Variants in FARP1 observed in about 807,000 individuals in gnomAD.
FARP1 encodes FERM, ARHGEF and pleckstrin domain-containing protein 1.
Under a neutral mutation model 128.8 loss-of-function variants are expected in FARP1, and 52 were observed. That is an observed-to-expected ratio of 0.40 (90% CI 0.32 to 0.51). The LOEUF (loss-of-function observed/expected upper bound fraction) is 0.51, where lower values mean the gene tolerates loss of function less well. Among genes scored for constraint, FARP1 ranks in the 20% least tolerant of loss-of-function variants. FARP1 has a pLI of 0.45. For synonymous variants in FARP1, 580 were observed against 551.8 expected (o/e 1.05, Z -0.72); for missense variants, 1,333 against 1,367.9 (o/e 0.97, Z 0.40).
chr13:98,410,971 C>A, intron 15 of FARP1, 148 bp downstream of exon 15: 1 of 492,852 alleles, frequency 2.0e-6, no homozygotes, highest in South Asian at 4.2e-5. Flanking sequence ...AAATTAAATG[C>A]TAATAGTATA....
At chr13:98,188,266 G>C (rs1382573441) in intron 1 of FARP1, among the ~76,000 whole-genome samples, 1 of 152,082 alleles carries the variant, frequency 6.6e-6, no homozygotes, top group African/African-American at 2.4e-5. Context: ...TGTTAAAGAA[G>C]TTTCAGGCCG....
intron 2 of FARP1, among the ~76,000 whole-genome samples, chr13:98,321,910 A>G (rs1887008285): frequency 6.6e-6 from 1 of 152,244 alleles, no homozygotes; most frequent in Admixed American, 6.5e-5. Flanking sequence ...TAGCTGGGGC[A>G]GTTATCAACC....
rs1893314757 is a variant in FARP1 at position 98,453,729 on chromosome 13, A to G, written c.*5412A>G. The G allele has an allele frequency of 6.5e-6, 1 of 153,392 alleles. No individual in the cohort carries two copies. The allele number at this position is 153,392 out of a possible 1,614,324, so 9.5% of individuals were successfully genotyped here. The stretch of plus-strand genomic sequence containing the variant: ...TTCGTAATTACACTAATTTGGAAAC[A>G]ACTCTGATGCCCAACAGTACAGAAT... On this transcript the variant is annotated 3_prime_UTR_variant, in exon 27 of 27. Coordinates refer to ENST00000319562, the MANE Select transcript of FARP1 (RefSeq NM_005766.4).
At chr13:98,209,548 G>A (rs1270961235) in intron 1 of FARP1, among the ~76,000 whole-genome samples, 20 of 141,816 alleles carry the variant, frequency 1.4e-4, no homozygotes, top group African/African-American at 5.0e-4. Context: ...TGTAATCCCA[G>A]CACTTTGGGA....
intron 1 of FARP1, among the ~76,000 whole-genome samples, chr13:98,198,790 A>G (rs1455673180): frequency 3.4e-5 from 5 of 147,252 alleles, no homozygotes; most frequent in Non-Finnish European, 7.5e-5. Context: ...AGGCATGAGA[A>G]TTGCTTGAAC....
At chr13:98,343,523 T>C (rs1888056043) in intron 2 of FARP1, among the ~76,000 whole-genome samples, 1 of 152,206 alleles carries the variant, frequency 6.6e-6, no homozygotes, top group Non-Finnish European at 1.5e-5. Flanking sequence ...GGAGGAGTGA[T>C]GCCTGGCGTT....
intron 2 of FARP1, among the ~76,000 whole-genome samples, chr13:98,237,775 C>T (rs1882511943): frequency 6.6e-6 from 1 of 152,126 alleles, no homozygotes; most frequent in Non-Finnish European, 1.5e-5. Flanking sequence ...TTGAGGACTG[C>T]AGCTTCAGTT....
chr13:98,366,073 T>G (rs1889071766), intron 4 of FARP1, among the ~76,000 whole-genome samples: 1 of 152,194 alleles, frequency 6.6e-6, no homozygotes, highest in Non-Finnish European at 1.5e-5. Context: ...TCTCTATGCT[T>G]TGAGCTAAAA....
chr13:98,310,157 CGAT>C (rs1266347639), intron 2 of FARP1, among the ~76,000 whole-genome samples: 10 of 151,132 alleles, frequency 6.6e-5, no homozygotes, highest in Middle Eastern at 3.2e-3. Flanking sequence ...CACAGAATGA[CGAT>C]GACTTCCACA....
intron 2 of FARP1, among the ~76,000 whole-genome samples, chr13:98,259,882 A>AGTGT (rs60886784): frequency 0.04 from 5,101 of 128,792 alleles, 157 homozygotes; most frequent in African/African-American, 0.078. Context: ...ATACCTGAAA[A>AGTGT]GTGTGTGTGT....
At chr13:98,295,048 C>T (rs553634863) in intron 2 of FARP1, among the ~76,000 whole-genome samples, 1 of 4,332 alleles carries the variant, frequency 2.3e-4, no homozygotes, top group African/African-American at 1.1e-3. Context: ...ATATATATTA[C>T]ACACACACAC....
intron 1 of FARP1, among the ~76,000 whole-genome samples, chr13:98,181,135 G>A (rs892630382): frequency 2.0e-5 from 3 of 151,992 alleles, no homozygotes; most frequent in Admixed American, 6.6e-5. Context: ...ACATGCATGA[G>A]TATGGCCGTT....
intron 2 of FARP1, among the ~76,000 whole-genome samples, chr13:98,313,972 C>A (rs1429956184): frequency 6.6e-6 from 1 of 152,182 alleles, no homozygotes; most frequent in African/African-American, 2.4e-5. Context: ...CCCATCCTCA[C>A]GGCTCACTCA....
chr13:98,364,868 G>C (rs1889017804), intron 3 of FARP1, among the ~76,000 whole-genome samples: 1 of 152,190 alleles, frequency 6.6e-6, no homozygotes, highest in Admixed American at 6.5e-5. Flanking sequence ...GCAAGTCTCA[G>C]ATGTCACTCC....
intron 2 of FARP1, among the ~76,000 whole-genome samples, chr13:98,254,486 G>A (rs886839134): frequency 2.6e-5 from 4 of 152,198 alleles, no homozygotes; most frequent in African/African-American, 9.7e-5. Context: ...TCAATAAAAA[G>A]TGGGTATTCT....
At chr13:98,150,925 G>A (rs1875951266) in intron 1 of FARP1, among the ~76,000 whole-genome samples, 1 of 151,884 alleles carries the variant, frequency 6.6e-6, no homozygotes, top group African/African-American at 2.4e-5. Context: ...ATGAAAAATG[G>A]GTGCCTTGGG....
At chr13:98,153,832 G>A (rs958698813) in intron 1 of FARP1, among the ~76,000 whole-genome samples, 3 of 151,832 alleles carry the variant, frequency 2.0e-5, no homozygotes, top group African/African-American at 7.3e-5. Flanking sequence ...CAAAGTGCTG[G>A]GATTACAGAT....
At chr13:98,363,865 C>A (rs376902228) in intron 3 of FARP1, among the ~76,000 whole-genome samples, 1 of 152,158 alleles carries the variant, frequency 6.6e-6, no homozygotes, top group Non-Finnish European at 1.5e-5. Context: ...CCTCAGCCTC[C>A]CAAGTAGCTG....
chr13:98,168,744 T>C (rs1157459348), intron 1 of FARP1, among the ~76,000 whole-genome samples: 1 of 152,188 alleles, frequency 6.6e-6, no homozygotes, highest in Non-Finnish European at 1.5e-5. Context: ...CCCAAAGTGA[T>C]TGGAGTGATA....
Sources: gnomAD v4.1 joint callset for allele counts (sites outside exome capture counted in the v4.1 genomes callset) on GRCh38, gnomAD v4.1.1 for gene constraint, MANE v1.5 for transcripts, NCBI Gene and HGNC (gene_info 2026-07-23, HGNC 2026-07-21) for gene names.